The following SRGAP3 variants were observed in gnomAD, a reference collection of about 807,000 sequenced individuals.
SRGAP3 encodes the protein SLIT-ROBO Rho GTPase activating protein 3.
SRGAP3 carries 39 observed loss-of-function variants against 121.1 expected under a neutral mutation model. That is an observed-to-expected ratio of 0.32 (90% CI 0.25 to 0.42). The LOEUF is 0.42. SRGAP3 is among the 10% of genes least tolerant of loss of function. The pLI, the probability that SRGAP3 is intolerant of heterozygous loss-of-function variation, is 1.00. For synonymous variants in SRGAP3, 601 were observed against 570.0 expected (o/e 1.05, Z -0.77); for missense variants, 1,213 against 1,470.6 (o/e 0.82, Z 2.86).
At chr3:9,158,528 T>C (rs1950500040) in intron 1 of SRGAP3, among the ~76,000 whole-genome samples, 1 of 152,188 alleles carries the variant, frequency 6.6e-6, no homozygotes, top group Non-Finnish European at 1.5e-5. Flanking sequence ...TTCTCAAAAA[T>C]ACCCCCGGTA....
intron 3 of SRGAP3, among the ~76,000 whole-genome samples, chr3:9,083,670 T>C (rs527580095): frequency 3.9e-5 from 6 of 152,356 alleles, no homozygotes; most frequent in East Asian, 3.9e-4. Flanking sequence ...ATCTCAAACA[T>C]TGATGCTGTG....
At chr3:9,113,822 T>C (rs911963266) in intron 2 of SRGAP3, among the ~76,000 whole-genome samples, 2 of 152,242 alleles carry the variant, frequency 1.3e-5, no homozygotes, top group South Asian at 4.2e-4. Context: ...TGTGAAGAGG[T>C]GCCTCCCATC....
chr3:9,277,753 C>A (rs866830950), intron 3 of SRGAP3, among the ~76,000 whole-genome samples: 1 of 152,016 alleles, frequency 6.6e-6, no homozygotes, highest in Non-Finnish European at 1.5e-5. Context: ...TACACTGCAG[C>A]CTGGGTGACA....
At position 9,184,293 on chromosome 3, in the gene SRGAP3, G is replaced by C. The variant is rs1426828754; in HGVS notation, c.68-59376C>G. On this transcript the variant is annotated intron_variant, in intron 1 of 21. Coordinates refer to ENST00000383836, the MANE Select transcript of SRGAP3 (RefSeq NM_014850.4). ...TGCTTCAGTGAGTTAGAATGATTTT[G>C]TTTCACAGCACAGCAAGGGGATTAG... Among the ~76,000 whole-genome samples, 3 of 152,262 alleles carry C rather than the reference G, an allele frequency of 2.0e-5. No individual in the cohort carries two copies. The East Asian group carries it at 5.8e-4, about 29-fold the overall frequency.
chr3:9,191,407 T>C (rs1018150151), intron 1 of SRGAP3, among the ~76,000 whole-genome samples: 4 of 152,358 alleles, frequency 2.6e-5, no homozygotes, highest in South Asian at 2.1e-4. Context: ...GTGTTTCCTA[T>C]TGTGTGGAAA....
At position 9,044,991 on chromosome 3, in the gene SRGAP3, G is replaced by T. The variant is rs148161829; in HGVS notation, c.1408+2400C>A. Among the ~76,000 whole-genome samples the T allele has an allele frequency of 1.2e-3, 187 of 152,060 alleles. 1 individual carries two copies. Among genetic ancestry groups the T allele is most frequent in the African/African-American group, 4.1e-3 (168 of 41,478 alleles). On this transcript the variant is annotated intron_variant, in intron 10 of 21. Transcript: ENST00000383836. The stretch of plus-strand genomic sequence containing the variant: ...GAGATTTGGTCTCAATTTATTCAGG[G>T]TCCATCTTTTTCAGTTATTCAGTAA...
In SRGAP3 at chr3:9,209,850, C is replaced by A. The variant is rs561746527; in HGVS notation, c.67+39035G>T. 2.0e-5 allele frequency among the ~76,000 whole-genome samples: 3 copies of A among 152,272 alleles called. No homozygotes were observed. The South Asian group carries it at 6.2e-4, about 32-fold the overall frequency. ...ATAGAGATTTGCACATAAATGTCCA[C>A]AGCAGCATTATTCACAATAGCCAAA... On this transcript the variant is annotated intron_variant, in intron 1 of 21. Transcript: ENST00000383836.
At chr3:9,149,129 G>A (rs574553705) in intron 1 of SRGAP3, among the ~76,000 whole-genome samples, 1 of 151,050 alleles carries the variant, frequency 6.6e-6, no homozygotes, top group East Asian at 2.0e-4. Context: ...CAGGAGAATC[G>A]CTTGAAGCCG....
intron 1 of SRGAP3, among the ~76,000 whole-genome samples, chr3:9,341,864 G>A (rs1176800691): frequency 6.6e-6 from 1 of 152,122 alleles, no homozygotes; most frequent in Non-Finnish European, 1.5e-5. Flanking sequence ...GGCTGTAAAT[G>A]TCACATTTGT....
chr3:9,005,249 T>C (rs563258757), intron 18 of SRGAP3, among the ~76,000 whole-genome samples: 3 of 152,332 alleles, frequency 2.0e-5, no homozygotes, highest in African/African-American at 7.2e-5. Flanking sequence ...TCCACTAGGA[T>C]GGCAAGAATC....
At chr3:9,244,725 T>A (rs1953762634) in intron 1 of SRGAP3, among the ~76,000 whole-genome samples, 1 of 152,202 alleles carries the variant, frequency 6.6e-6, no homozygotes, top group African/African-American at 2.4e-5. Context: ...AGTTCCAGAC[T>A]AGATAATATG....
intron 4 of SRGAP3, among the ~76,000 whole-genome samples, chr3:9,069,777 T>C (rs1560068564): frequency 1.3e-5 from 2 of 151,984 alleles, no homozygotes; most frequent in Admixed American, 1.3e-4. Flanking sequence ...TGAAACCCTG[T>C]CTCTACTAAA....
intron 1 of SRGAP3, among the ~76,000 whole-genome samples, chr3:9,202,479 C>T (rs1952099752): frequency 6.6e-6 from 1 of 152,228 alleles, no homozygotes; most frequent in Non-Finnish European, 1.5e-5. Flanking sequence ...AGCTCCTGCA[C>T]AGGATACCAC....
intron 3 of SRGAP3, among the ~76,000 whole-genome samples, chr3:9,084,928 G>C (rs1458043729): frequency 6.6e-6 from 1 of 152,212 alleles, no homozygotes; most frequent in African/African-American, 2.4e-5. Flanking sequence ...GGGCAGCAGA[G>C]GGGATGACTT....
At chr3:9,254,408 A>T (rs1473083619), upstream of SRGAP3, among the ~76,000 whole-genome samples, 1 of 152,208 alleles carries the variant, frequency 6.6e-6, no homozygotes, top group Admixed American at 6.5e-5. Flanking sequence ...TTCCATCTCT[A>T]TGGTCACAGA....
At chr3:8,998,219 C>G (rs919508858) in intron 18 of SRGAP3, among the ~76,000 whole-genome samples, 1 of 152,240 alleles carries the variant, frequency 6.6e-6, no homozygotes, top group Non-Finnish European at 1.5e-5. Flanking sequence ...TTAAAACAGA[C>G]AAGTGTCTTC....
At chr3:9,247,311 A>G (rs1430359702) in intron 1 of SRGAP3, among the ~76,000 whole-genome samples, 1 of 152,096 alleles carries the variant, frequency 6.6e-6, no homozygotes, top group Non-Finnish European at 1.5e-5. Flanking sequence ...AGGCTGAGAC[A>G]TCGTAAGTCA....
intron 3 of SRGAP3, among the ~76,000 whole-genome samples, chr3:9,319,929 A>G (rs1227171341): frequency 6.6e-6 from 1 of 151,970 alleles, no homozygotes; most frequent in Non-Finnish European, 1.5e-5. Context: ...CACCGTGCAC[A>G]GGGAACATCT....
intron 3 of SRGAP3, among the ~76,000 whole-genome samples, chr3:9,099,676 C>T (rs1948131119): frequency 6.6e-6 from 1 of 152,184 alleles, no homozygotes; most frequent in Non-Finnish European, 1.5e-5. Context: ...TGTATGGTCC[C>T]CAGACCAGAA....
Sources: gnomAD v4.1 joint callset for allele counts (sites outside exome capture counted in the v4.1 genomes callset) on GRCh38, gnomAD v4.1.1 for gene constraint, MANE v1.5 for transcripts, NCBI Gene and HGNC (gene_info 2026-07-23, HGNC 2026-07-21) for gene names.